The following B4GALNT4 variants were observed in gnomAD, a reference collection of about 807,000 sequenced individuals.
B4GALNT4 encodes the protein beta-1,4-N-acetyl-galactosaminyltransferase 4, also known as N-acetyl-beta-glucosaminyl-glycoprotein 4-beta-N-acetylgalactosaminyltransferase 1.
Under a neutral mutation model 110.0 loss-of-function variants are expected in B4GALNT4, and 77 were observed. The ratio of observed to expected loss-of-function variants is 0.70; its 90% confidence interval spans 0.58 to 0.85. B4GALNT4 has a LOEUF of 0.85. Ranked by LOEUF, B4GALNT4 falls within the 40% of genes least tolerant of loss-of-function variation. The probability of loss-of-function intolerance (pLI) is 0.00; values close to 1 mark genes in which losing one functional copy is unlikely to be tolerated. For missense variants in B4GALNT4, 1,575 were observed against 1,506.0 expected, an observed-to-expected ratio of 1.05 and a Z score of -0.76; for synonymous variants, 785 against 655.5, an observed-to-expected ratio of 1.20 and a Z score of -3.02.
intron 19 of B4GALNT4, chr11:381,222 C>T (rs944325889): frequency 5.9e-6 from 5 of 844,312 alleles, no homozygotes; most frequent in South Asian, 5.4e-5. Context: ...CCCTGAGTCC[C>T]CATCATCCCA....
At chr11:375,295 C>T (rs566361082) in intron 8 of B4GALNT4, among the ~76,000 whole-genome samples, 166 bp from the exon 9 acceptor site, 1 of 152,034 alleles carries the variant, frequency 6.6e-6, no homozygotes, top group East Asian at 1.9e-4. Context: ...CCCCAGCTTC[C>T]CTGCTGCCCC....
Position 377,206 on chromosome 11 carries a change from C to T in B4GALNT4, c.2083C>T (p.Leu695=), listed in dbSNP as rs1335279762. 1 of 1,593,752 alleles carries T rather than the reference C, an allele frequency of 6.3e-7. No individual in the cohort carries two copies. Among genetic ancestry groups the T allele is most frequent in the Non-Finnish European group, 8.5e-7 (1 of 1,171,326 alleles). Residue 695 remains leucine, a synonymous_variant, in exon 14 of 20, where the codon CTG becomes TTG. Coordinates refer to ENST00000329962, the MANE Select transcript of B4GALNT4 (RefSeq NM_178537.5). ...TFSVGAVDFE[L]LRSDWNDLRC... ...CAGCGTGGGCGCCGTGGACTTCGAG[C>T]TGCTGCGCTCGGACTGGAACGACCT...
Position 373,430 on chromosome 11 carries a change from C to A in B4GALNT4, c.637-19C>A. 2 of 1,546,176 alleles carry A rather than the reference C, an allele frequency of 1.3e-6. No individual in the cohort carries two copies. Among genetic ancestry groups the A allele is most frequent in the East Asian group, 2.3e-5 (1 of 44,190 alleles). ...TGAACCCCCCCCCCCACCACCACCC[C>A]TGCTCTATCACCCCCCAGACTGGCT... is the stretch of plus-strand genomic sequence containing the variant. On this transcript the variant is annotated intron_variant, in intron 6 of 19. Transcript: ENST00000329962.
intron 1 of B4GALNT4, among the ~76,000 whole-genome samples, chr11:370,597 C>T (rs1564866854): frequency 6.6e-6 from 1 of 152,186 alleles, no homozygotes; most frequent in Non-Finnish European, 1.5e-5. Context: ...GTAGGGCCTC[C>T]TGGAGATGGT....
intron 6 of B4GALNT4, 62 bp downstream of exon 6, chr11:373,353 C>T: frequency 6.3e-7 from 1 of 1,577,622 alleles, no homozygotes; most frequent in Non-Finnish European, 8.7e-7. Flanking sequence ...CCTGTGCCCA[C>T]CAGCCTCTTG....
At chr11:380,975 A>C in intron 19 of B4GALNT4, 24 bp downstream of exon 19, 1 of 1,606,536 alleles carries the variant, frequency 6.2e-7, no homozygotes, top group Non-Finnish European at 8.5e-7. Context: ...CACTCCCCAG[A>C]GGTGACACCC....
At chr11:374,534 G>A (rs1472177797) in intron 8 of B4GALNT4, among the ~76,000 whole-genome samples, 2 of 140,466 alleles carry the variant, frequency 1.4e-5, no homozygotes, top group Non-Finnish European at 1.6e-5. Context: ...CCAGGATGAG[G>A]TGGGAACAGA....
At position 375,631 on chromosome 11, in the gene B4GALNT4, G is replaced by A. The variant is rs1564869839; in HGVS notation, c.851-8G>A. The A allele has an allele frequency of 6.3e-7, 1 of 1,590,888 alleles. No homozygotes were observed. Among genetic ancestry groups the A allele is most frequent in the East Asian group, 2.2e-5 (1 of 44,578 alleles). Reference sequence around the variant, plus strand: ...TCTGAGCACTCCCTGGAACTCTTCTGCCCCCAGATGAGTCAGCCTTGAAGA... The same window carrying A: ...TCTGAGCACTCCCTGGAACTCTTCTACCCCCAGATGAGTCAGCCTTGAAGA... On this transcript the variant is annotated splice_region_variant and splice_polypyrimidine_tract_variant and intron_variant, in intron 9 of 19. Transcript: ENST00000329962.
intron 18 of B4GALNT4, 121 bp from the exon 19 acceptor site, chr11:380,704 A>C: frequency 1.3e-6 from 2 of 1,505,630 alleles, no homozygotes; most frequent in Non-Finnish European, 1.8e-6. Flanking sequence ...CGACTCCCGG[A>C]AGCCCCCGTG....
Position 377,315 on chromosome 11 carries a change from C to T in B4GALNT4, c.2192C>T (p.Ala731Val), listed in dbSNP as rs753922131. ...GCTCAGTACATGGAGCGGCTGAACG[C>T]GCGCCACGGCGGGTATGGGGGCGGC... is the stretch of plus-strand genomic sequence containing the variant. ...VTAQYMERLN[A>V]RHGGRFALLR... Residue 731 changes from alanine to valine, a missense_variant, in exon 14 of 20, where the codon GCG (alanine) becomes GTG (valine). By Grantham distance (64) the Ala-to-Val change is moderately conservative. Coordinates refer to ENST00000329962, the MANE Select transcript of B4GALNT4 (RefSeq NM_178537.5). 2.4e-4 allele frequency: 366 copies of T among 1,541,950 alleles called. No individual in the cohort carries two copies. Among genetic ancestry groups the T allele is most frequent in the Non-Finnish European group, 3.1e-4 (357 of 1,146,884 alleles).
Position 379,559 on chromosome 11 carries a change from G to C in B4GALNT4, c.2346G>C (p.Pro782=). ...CCGAGTACGTCTTCCTGCGGCTGCC[G>C]GGAGCCCGCGTAGGGGATGCAGACG... ...RLSEYVFLRL[P]GARVGDADGE... The change falls in exon 15 of 20, where the codon CCG becomes CCC. Residue 782 remains proline, a synonymous_variant. Transcript: ENST00000329962. 6.3e-7 allele frequency: 1 copy of C among 1,586,876 alleles called. No individual in the cohort carries two copies. The highest frequency in any genetic ancestry group is 8.6e-7 in the Non-Finnish European group (1 of 1,168,892).
rs1423006919 is a variant in B4GALNT4 at position 379,505 on chromosome 11, G to C, written c.2292G>C (p.Gln764His). 1.3e-6 allele frequency: 2 copies of C among 1,575,292 alleles called. No homozygotes were observed. The highest frequency in any genetic ancestry group is 3.7e-5 in the Admixed American group (2 of 54,244). ...GCTTCCTGCTGGAGCTGGAGCTGCA[G>C]GAGCGCGGGGGCGGCCGCCTGCGAC... ...GSRFLLELELQERGGGRLRLS... is the reference protein window; with the variant it reads ...GSRFLLELELHERGGGRLRLS... Residue 764 changes from glutamine to histidine, a missense_variant, in exon 15 of 20, where the codon CAG (glutamine) becomes CAC (histidine). Coordinates refer to ENST00000329962, the MANE Select transcript of B4GALNT4 (RefSeq NM_178537.5).
In B4GALNT4 at chr11:376,057, GC is replaced by G. The variant is rs750527299; in HGVS notation, c.1096-10del. ...GGGAGGTCCGCGCCCTGAGCCCTGC[GC>G]CCCCCCACCCCCCAGGTGTACCTGT... On this transcript the variant is annotated splice_polypyrimidine_tract_variant and intron_variant, in intron 11 of 19. Transcript: ENST00000329962. 4 of 1,579,234 alleles carry G rather than the reference GC, an allele frequency of 2.5e-6. No individual in the cohort carries two copies. The highest frequency in any genetic ancestry group is 1.7e-4 in the Middle Eastern group (1 of 6,006).
chr11:377,377 G>T (rs1296468984), intron 14 of B4GALNT4, 50 bp downstream of exon 14: 2 of 1,442,644 alleles, frequency 1.4e-6, no homozygotes, highest in Non-Finnish European at 1.8e-6. Flanking sequence ...GGCGGGGACA[G>T]CCGGGGAGAG....
At position 372,206 on chromosome 11, in the gene B4GALNT4, G is replaced by A; in HGVS notation, c.249G>A (p.Glu83=). ...AEDSSESREE[E]QAPEGRDLDM... is the part of the protein sequence containing the mutation. ...ACTCCAGTGAGAGCCGTGAAGAGGAGCAAGCGGTGAGCAGAGCCCTGGGGA... is the reference window on the plus strand; with the variant it reads ...ACTCCAGTGAGAGCCGTGAAGAGGAACAAGCGGTGAGCAGAGCCCTGGGGA... The change falls in exon 2 of 20, where the codon GAG becomes GAA. Residue 83 remains glutamate (E), a synonymous_variant. Transcript: ENST00000329962. The A allele has an allele frequency of 6.5e-7, 1 of 1,550,192 alleles. No homozygotes were observed. The highest frequency in any genetic ancestry group is 8.7e-7 in the Non-Finnish European group (1 of 1,146,814).
intron 18 of B4GALNT4, 61 bp from the exon 19 acceptor site, chr11:380,764 T>A (rs1194057871): frequency 2.0e-5 from 31 of 1,585,330 alleles, no homozygotes; most frequent in Non-Finnish European, 2.6e-5. Context: ...AGCGGCGCTT[T>A]GCCGGGGGGA....
chr11:375,752 C>G lies in B4GALNT4; in HGVS notation c.964C>G (p.Pro322Ala), dbSNP rs752405327. 2 of 1,596,550 alleles carry G rather than the reference C, an allele frequency of 1.3e-6. No individual in the cohort carries two copies. The highest frequency in any genetic ancestry group is 1.7e-6 in the Non-Finnish European group (2 of 1,175,086). The change falls in exon 10 of 20, where the codon CCC (proline) becomes GCC (alanine). Residue 322 changes from proline to alanine, a missense_variant. Transcript: ENST00000329962. The part of the protein sequence containing the change: ...ETSADMLRPD[P>A]RDTFFLTPRM... ...CAGCGCAGACATGCTGCGGCCAGATCCCAGGGATACCTTTTTCCTCAGTGA... is the reference window on the plus strand; with the variant it reads ...CAGCGCAGACATGCTGCGGCCAGATGCCAGGGATACCTTTTTCCTCAGTGA...
At chr11:369,998 G>C in intron 1 of B4GALNT4, 44 bp downstream of exon 1, 1 of 142,382 alleles carries the variant, frequency 7.0e-6, no homozygotes. Context: ...CGGGGGCGGC[G>C]CGGGGGGCGC....
At position 369,882 on chromosome 11, in the gene B4GALNT4, T is replaced by C; in HGVS notation, c.79T>C (p.Trp27Arg). The change falls in exon 1 of 20, where the codon TGG (tryptophan) becomes CGG (arginine). Residue 27 changes from tryptophan to arginine, a missense_variant. Physicochemically the swap from Trp to Arg is moderately radical, Grantham distance 101. Transcript: ENST00000329962. Reference sequence around the variant, plus strand: ...GCTGCTGCTGCTGAGCTGCGCCGCGTGGCTCACCTACGTGCACCTGGGCCT... The same window carrying C: ...GCTGCTGCTGCTGAGCTGCGCCGCGCGGCTCACCTACGTGCACCTGGGCCT... ...LLLLLLSCAAWLTYVHLGLVR... is the reference protein window; with the variant it reads ...LLLLLLSCAARLTYVHLGLVR... The C allele has an allele frequency of 1.0e-6, 1 of 992,634 alleles. No homozygotes were observed. The highest frequency in any genetic ancestry group is 1.2e-6 in the Non-Finnish European group (1 of 836,142). 61.5% of individuals were successfully genotyped at this position (992,634 alleles called of 1,614,324 possible).
Sources: gnomAD v4.1 joint callset for allele counts (sites outside exome capture counted in the v4.1 genomes callset) on GRCh38, gnomAD v4.1.1 for gene constraint, MANE v1.5 for transcripts, NCBI Gene and HGNC (gene_info 2026-07-23, HGNC 2026-07-21) for gene names.